The following MTMR3 variants were observed in gnomAD, a reference collection of about 807,000 sequenced individuals.
MTMR3 encodes phosphatidylinositol-3,5-bisphosphate 3-phosphatase MTMR3.
A neutral mutation model predicts 132.4 loss-of-function variants in MTMR3; 32 were observed. The observed-to-expected ratio is 0.24, with a 90% CI of 0.18 to 0.32. The LOEUF (loss-of-function observed/expected upper bound fraction) is 0.32, where lower values mean the gene tolerates loss of function less well. MTMR3 is among the 10% of genes least tolerant of loss of function. The pLI is 1.00. For missense variants in MTMR3, 1,216 were observed against 1,489.6 expected, an observed-to-expected ratio of 0.82 and a Z score of 3.02; for synonymous variants, 556 against 550.3, an observed-to-expected ratio of 1.01 and a Z score of -0.14.
intron 2 of MTMR3, among the ~76,000 whole-genome samples, chr22:29,969,836 A>T (rs1422335468): frequency 6.6e-6 from 1 of 152,110 alleles, no homozygotes; most frequent in Admixed American, 6.6e-5. Context: ...GGCCAAAATG[A>T]TTCTTTAGAG....
intron 12 of MTMR3, chr22:30,010,136 A>G (rs148140653): frequency 6.6e-6 from 1 of 152,176 alleles, no homozygotes; most frequent in Non-Finnish European, 1.5e-5. Context: ...TCCAGGTCCC[A>G]GCTAGCAGCG....
rs769230526 is a variant in MTMR3 at position 30,012,358 on chromosome 22, G to A, written c.1122-10G>A. 1.2e-6 allele frequency: 2 copies of A among 1,611,122 alleles called. No homozygotes were observed. Among genetic ancestry groups the A allele is most frequent in the Admixed American group, 1.7e-5 (1 of 59,092 alleles). On this transcript the variant is annotated splice_polypyrimidine_tract_variant and intron_variant, in intron 12 of 19. Transcript: ENST00000401950. ...AATCAGCATTTTCTAATCCTCTCCTGTTTTTATAGTTGGCTATCAGCTCTT... is the reference window on the plus strand; with the variant it reads ...AATCAGCATTTTCTAATCCTCTCCTATTTTTATAGTTGGCTATCAGCTCTT...
intron 8 of MTMR3, chr22:30,002,547 G>C (rs1324240792): frequency 5.2e-6 from 1 of 192,406 alleles, no homozygotes; most frequent in East Asian, 1.3e-4. Context: ...GGAGTATAAA[G>C]AGCTGACCCT....
chr22:29,946,926 C>T (rs1210869897), intron 1 of MTMR3, among the ~76,000 whole-genome samples: 2 of 152,054 alleles, frequency 1.3e-5, no homozygotes, highest in Non-Finnish European at 2.9e-5. Context: ...TATACCACGG[C>T]ATGGAAATAC....
intron 1 of MTMR3, among the ~76,000 whole-genome samples, chr22:29,897,340 G>A (rs1443260032): frequency 6.6e-6 from 1 of 152,100 alleles, no homozygotes; most frequent in Admixed American, 6.5e-5. Flanking sequence ...CTCCCAAAGT[G>A]CTGGGATTAC....
intron 1 of MTMR3, among the ~76,000 whole-genome samples, chr22:29,905,183 C>T (rs1179603952): frequency 1.3e-5 from 2 of 152,086 alleles, no homozygotes; most frequent in African/African-American, 2.4e-5. Flanking sequence ...CCAGGACCCC[C>T]ACATACACCA....
At chr22:29,929,667 GC>G (rs1480751317) in intron 1 of MTMR3, among the ~76,000 whole-genome samples, 1 of 151,860 alleles carries the variant, frequency 6.6e-6, no homozygotes, top group Non-Finnish European at 1.5e-5. Context: ...GTGCCACCAT[GC>G]CCGGCTAACT....
chr22:29,928,125 G>A (rs1324234458), intron 1 of MTMR3, among the ~76,000 whole-genome samples: 1 of 135,722 alleles, frequency 7.4e-6, no homozygotes, highest in Non-Finnish European at 1.6e-5. Flanking sequence ...TTTTAATCCC[G>A]TTCTTTTCTC....
intron 7 of MTMR3, chr22:29,992,521 C>A (rs143188534): frequency 6.6e-6 from 1 of 152,286 alleles, no homozygotes; most frequent in African/African-American, 2.4e-5. Context: ...CATGTTATTT[C>A]TCTGCATGTA....
chr22:30,022,361 T>C, intron 18 of MTMR3: 1 of 607,600 alleles, frequency 1.6e-6, no homozygotes, highest in South Asian at 2.0e-5. Flanking sequence ...CTCTATGAAC[T>C]GGAGCCTTGC....
intron 1 of MTMR3, among the ~76,000 whole-genome samples, chr22:29,885,795 T>C (rs1223927775): frequency 6.6e-6 from 1 of 152,198 alleles, no homozygotes; most frequent in Non-Finnish European, 1.5e-5. Context: ...AAATCTGCTG[T>C]AGTTCTAGTT....
chr22:30,020,075 G>A lies in MTMR3; in HGVS notation c.2416G>A (p.Glu806Lys). The A allele has an allele frequency of 6.2e-7, 1 of 1,614,220 alleles. No individual in the cohort carries two copies. Among genetic ancestry groups the A allele is most frequent in the Non-Finnish European group, 8.5e-7 (1 of 1,180,036 alleles). ...FRIEEIAEGR[E>K]EAVLPIPVDA... is the part of the protein sequence containing the mutation. ...AATAGAAGAGATTGCAGAGGGTAGG[G>A]AGGAAGCAGTTCTTCCAATCCCAGT... The change falls in exon 17 of 20, where the codon GAG (glutamate) becomes AAG (lysine). Residue 806 changes from glutamate to lysine, a missense_variant. Transcript: ENST00000401950.
chr22:29,987,896 G>C (rs1164469179), intron 5 of MTMR3: 1 of 151,984 alleles, frequency 6.6e-6, no homozygotes, highest in Non-Finnish European at 1.5e-5. Context: ...GATACTTTTG[G>C]GTCTATTCTA....
chr22:29,945,549 A>G (rs2065935977), intron 1 of MTMR3, among the ~76,000 whole-genome samples: 1 of 151,788 alleles, frequency 6.6e-6, no homozygotes, highest in South Asian at 2.1e-4. Context: ...AATTAAAAAA[A>G]AAAAATGTAG....
At chr22:29,998,925 TG>T (rs1482589085) in intron 8 of MTMR3, 68 bp downstream of exon 8, 1 of 997,512 alleles carries the variant, frequency 1.0e-6, no homozygotes, top group Non-Finnish European at 1.5e-6. Context: ...AATTCTCATG[TG>T]GCAGAACATT....
Position 30,029,220 on chromosome 22 carries a change from C to T in MTMR3, c.*3419C>T, listed in dbSNP as rs187925531. 9.8e-5 allele frequency: 15 copies of T among 152,468 alleles called. No homozygotes were observed. The highest frequency in any genetic ancestry group is 3.4e-3 in the Middle Eastern group (1 of 294). The allele number at this position is 152,468 out of a possible 1,614,324, so 9.4% of individuals were successfully genotyped here. A position where few individuals can be genotyped will look rare whatever the true frequency, so the allele number is the denominator to read the frequency against. On this transcript the variant is annotated 3_prime_UTR_variant, in exon 20 of 20. Coordinates refer to ENST00000401950, the MANE Select transcript of MTMR3 (RefSeq NM_021090.4). ...TGAAGCAACAGGGCATGAACTGTGA[C>T]TTTGAGCTGCCAGGTTGTCTTCATC...
intron 1 of MTMR3, among the ~76,000 whole-genome samples, chr22:29,902,991 G>A (rs1317630129): frequency 1.3e-5 from 2 of 152,224 alleles, no homozygotes; most frequent in Admixed American, 1.3e-4. Flanking sequence ...GGGAGGCCGA[G>A]GAGGGCAGAT....
intron 11 of MTMR3, 69 bp downstream of exon 11, chr22:30,008,101 T>C (rs565547095): frequency 7.0e-6 from 11 of 1,571,972 alleles, no homozygotes; most frequent in Non-Finnish European, 7.8e-6. Flanking sequence ...AACTGAGACT[T>C]AGTTCCCAAT....
intron 16 of MTMR3, 82 bp from the exon 17 acceptor site, chr22:30,019,398 A>G (rs2067689301): frequency 2.2e-6 from 3 of 1,339,148 alleles, no homozygotes; most frequent in Admixed American, 4.4e-5. Context: ...TTATGAAACA[A>G]CTGCTTGTTA....
Sources: allele counts gnomAD v4.1 joint callset (sites outside exome capture counted in the v4.1 genomes callset), GRCh38; gene constraint gnomAD v4.1.1; transcripts MANE v1.5; gene names NCBI Gene and HGNC (gene_info 2026-07-23, HGNC 2026-07-21).